The following POLR3A variants were observed in gnomAD, a reference collection of about 807,000 sequenced individuals.
POLR3A encodes the protein RNA polymerase III subunit A.
A neutral mutation model predicts 152.8 loss-of-function variants in POLR3A; 112 were observed. That is an observed-to-expected ratio of 0.73 (90% CI 0.63 to 0.86). POLR3A has a LOEUF of 0.86. Ranked by LOEUF, POLR3A falls within the 40% of genes least tolerant of loss-of-function variation. The pLI is 0.00. For synonymous variants in POLR3A, 615 were observed against 652.1 expected (o/e 0.94, Z 0.87); for missense variants, 1,385 against 1,743.1 (o/e 0.79, Z 3.66).
chr10:77,996,840 C>G (rs938228884), intron 19 of POLR3A, among the ~76,000 whole-genome samples: 6 of 152,126 alleles, frequency 3.9e-5, no homozygotes, highest in African/African-American at 1.4e-4. Context: ...GATACCAAAG[C>G]CTGGCAGAGA....
intron 1 of POLR3A, among the ~76,000 whole-genome samples, chr10:78,027,256 A>C (rs934702917): frequency 5.9e-5 from 9 of 152,234 alleles, no homozygotes; most frequent in Non-Finnish European, 1.3e-4. Flanking sequence ...AACCAAATGA[A>C]ATCAGTATAT....
At chr10:78,015,388 C>T (rs948108718) in intron 10 of POLR3A, among the ~76,000 whole-genome samples, 5 of 151,974 alleles carry the variant, frequency 3.3e-5, no homozygotes, top group East Asian at 3.9e-4. Flanking sequence ...AGTGCAGTGG[C>T]GCAATCTCGG....
chr10:78,011,692 G>A (rs75055088), intron 11 of POLR3A, among the ~76,000 whole-genome samples: 1,578 of 152,314 alleles, frequency 0.01, 15 homozygotes, highest in East Asian at 0.026. Flanking sequence ...GAAGCAGAGT[G>A]CAAGGGGCTG....
In POLR3A at chr10:77,981,420, C is replaced by T; in HGVS notation, c.3891+8G>A. 6.2e-7 allele frequency: 1 copy of T among 1,613,966 alleles called. No homozygotes were observed. The highest frequency in any genetic ancestry group is 8.5e-7 in the Non-Finnish European group (1 of 1,179,898). ...CCCAGGCAGCCCGGGGGCCTCCTGC[C>T]CACATACCTTGTAGGTCATGAGGTC... is the stretch of plus-strand genomic sequence containing the variant. On this transcript the variant is annotated splice_region_variant and intron_variant, in intron 29 of 30. Transcript: ENST00000372371.
intron 25 of POLR3A, 42 bp downstream of exon 25, chr10:77,984,163 G>T: frequency 7.3e-7 from 1 of 1,370,950 alleles, no homozygotes; most frequent in Non-Finnish European, 1.0e-6. Flanking sequence ...TTGCAACATT[G>T]CTGAGCTAGT....
In POLR3A at chr10:78,025,157, G is replaced by C. The variant is rs777132920; in HGVS notation, c.319-15C>G. On this transcript the variant is annotated splice_polypyrimidine_tract_variant and intron_variant, in intron 3 of 30. Transcript: ENST00000372371. ...TTGCAGATCATCTTTTTCAAATTAA[G>C]CAAGACAGATAAAAGCATAAGTGAG... 1 of 1,613,758 alleles carries C rather than the reference G, an allele frequency of 6.2e-7. No individual in the cohort carries two copies. Among genetic ancestry groups the C allele is most frequent in the Non-Finnish European group, 8.5e-7 (1 of 1,179,676 alleles).
At chr10:77,984,133 C>A in intron 25 of POLR3A, 72 bp downstream of exon 25, 2 of 1,259,920 alleles carry the variant, frequency 1.6e-6, no homozygotes, top group East Asian at 4.6e-5. Flanking sequence ...CAATAGATGG[C>A]AGCTGATTTT....
rs1847584668 is a variant in POLR3A at position 78,022,019 on chromosome 10, G to A, written c.889C>T (p.Arg297Trp). Residue 297 changes from arginine (R) to tryptophan (W), a missense_variant, in exon 7 of 31, where the codon CGG becomes TGG. By Grantham distance (101) the Arg-to-Trp change is moderately radical. Coordinates refer to ENST00000372371, the MANE Select transcript of POLR3A (RefSeq NM_007055.4). ...ATCTGGGTCTTGGCTCCTGAGATCC[G>A]ATGCTAAAACCAGCACAGCCCAAAC... Reference protein sequence around the residue: ...IFLNDVIKKHRISGAKTQMIM... With the variant: ...IFLNDVIKKHWISGAKTQMIM... 4 of 1,614,174 alleles carry A rather than the reference G, an allele frequency of 2.5e-6. No individual in the cohort carries two copies. Among genetic ancestry groups the A allele is most frequent in the Non-Finnish European group, 2.5e-6 (3 of 1,180,036 alleles).
chr10:78,021,418 CAT>C, intron 8 of POLR3A, 126 bp downstream of exon 8: 2 of 848,248 alleles, frequency 2.4e-6, no homozygotes. Flanking sequence ...CACATACACT[CAT>C]ATAAACCAAA....
At position 77,981,557 on chromosome 10, in the gene POLR3A, C is replaced by T. The variant is rs759917475; in HGVS notation, c.3762G>A (p.Val1254=). 10 of 1,613,876 alleles carry T rather than the reference C, an allele frequency of 6.2e-6. No individual in the cohort carries two copies. In the East Asian group the frequency reaches 1.6e-4, roughly 25 times the overall value. The change falls in exon 29 of 31, where the codon GTG becomes GTA. Residue 1254 remains valine (V), a splice_region_variant and synonymous_variant. Transcript: ENST00000372371. ...TRTTSNNTYE[V]EKTLGIEAAR... is the part of the protein sequence containing the mutation. ...CGGCCTCGATGCCCAGAGTTTTCTC[C>T]ACCTACAGAGAGCCAGTAATGAGCA...
intron 26 of POLR3A, among the ~76,000 whole-genome samples, 179 bp downstream of exon 26, chr10:77,983,741 G>C (rs1295111495): frequency 2.6e-5 from 4 of 152,156 alleles, no homozygotes; most frequent in African/African-American, 9.7e-5. Flanking sequence ...GGGTATATTT[G>C]TATCAAGGTC....
chr10:77,984,043 A>G (rs1564613769), intron 25 of POLR3A, 31 bp from the exon 26 acceptor site: 1 of 1,494,828 alleles, frequency 6.7e-7, no homozygotes, highest in East Asian at 2.3e-5. Flanking sequence ...ACTGTTAATC[A>G]GCCGCTTTCC....
intron 19 of POLR3A, among the ~76,000 whole-genome samples, chr10:77,996,957 A>C (rs1847308028): frequency 6.6e-6 from 1 of 152,226 alleles, no homozygotes. Context: ...CAAAAAGCTT[A>C]TCCACCATGA....
At chr10:77,996,404 C>T (rs1847301026) in intron 19 of POLR3A, among the ~76,000 whole-genome samples, 1 of 151,926 alleles carries the variant, frequency 6.6e-6, no homozygotes, top group African/African-American at 2.4e-5. Context: ...ACAAAATTGA[C>T]AGACCGCTAG....
chr10:77,995,893 C>T (rs1354493903), intron 19 of POLR3A, among the ~76,000 whole-genome samples: 1 of 152,158 alleles, frequency 6.6e-6, no homozygotes, highest in Non-Finnish European at 1.5e-5. Context: ...TATTCCAAAA[C>T]TGACCACACA....
intron 8 of POLR3A, 111 bp downstream of exon 8, chr10:78,021,435 G>C: frequency 9.9e-7 from 1 of 1,014,518 alleles, no homozygotes; most frequent in Non-Finnish European, 1.5e-6. Context: ...ACCAAACTGT[G>C]GGTTGAGTGG....
chr10:78,010,425 G>A, intron 12 of POLR3A, 46 bp downstream of exon 12: 1 of 1,327,200 alleles, frequency 7.5e-7, no homozygotes. Flanking sequence ...GAGGAACACT[G>A]TGTTCCAGTC....
At chr10:77,985,122 G>T in intron 24 of POLR3A, 48 bp downstream of exon 24, 1 of 1,489,076 alleles carries the variant, frequency 6.7e-7, no homozygotes, top group Non-Finnish European at 9.4e-7. Flanking sequence ...TGTTTCTCAG[G>T]AAACAGGACA....
Position 77,977,422 on chromosome 10 carries a change from T to C in POLR3A, c.*56A>G. ...CAGGGAGCACAAAACTCTTTATACA[T>C]CAGCTGGAGACAGGACAAGGAGTCA... On this transcript the variant is annotated 3_prime_UTR_variant, in exon 31 of 31. Transcript: ENST00000372371. 1 of 1,587,082 alleles carries C rather than the reference T, an allele frequency of 6.3e-7. No individual in the cohort carries two copies. Among genetic ancestry groups the C allele is most frequent in the Non-Finnish European group, 8.6e-7 (1 of 1,156,264 alleles).
Sources: allele counts gnomAD v4.1 joint callset (sites outside exome capture counted in the v4.1 genomes callset), GRCh38; gene constraint gnomAD v4.1.1; transcripts MANE v1.5; gene names NCBI Gene and HGNC (gene_info 2026-07-23, HGNC 2026-07-21).